NRXN1: variants seen among roughly 807,000 people sequenced by gnomAD.
The protein encoded by NRXN1 is neurexin-1.
A neutral mutation model predicts 150.9 loss-of-function variants in NRXN1; 39 were observed. The ratio of observed to expected loss-of-function variants is 0.26; its 90% CI spans 0.20 to 0.34. NRXN1 has a LOEUF of 0.34. Among genes scored for constraint, NRXN1 ranks in the 10% least tolerant of loss-of-function variants. The pLI is 1.00. For missense variants in NRXN1, 1,815 were observed against 1,949.9 expected (o/e 0.93, Z 1.30); for synonymous variants, 924 against 757.0 (o/e 1.22, Z -3.62).
intron 17 of NRXN1, among the ~76,000 whole-genome samples, chr2:50,296,707 A>C (rs1013380327): frequency 6.6e-6 from 1 of 151,860 alleles, no homozygotes; most frequent in Admixed American, 6.6e-5. Context: ...GCTTCAAATG[A>C]TTCTCCCACC....
intron 5 of NRXN1, among the ~76,000 whole-genome samples, chr2:50,719,319 C>CA (rs576413339): frequency 6.7e-6 from 1 of 149,782 alleles, no homozygotes; most frequent in African/African-American, 2.5e-5. Flanking sequence ...TATATTCAAG[C>CA]AAAAAATTAA....
At chr2:50,966,819 A>C (rs1694182696) in intron 2 of NRXN1, among the ~76,000 whole-genome samples, 1 of 151,880 alleles carries the variant, frequency 6.6e-6, no homozygotes, top group Admixed American at 6.6e-5. Flanking sequence ...TATAACAGCT[A>C]TCTGCATTAA....
intron 19 of NRXN1, among the ~76,000 whole-genome samples, chr2:50,058,501 C>T (rs1363042): frequency 0.12 from 17,698 of 152,048 alleles, 1,130 homozygotes; most frequent in East Asian, 0.18. Context: ...TCAATATATA[C>T]CTACTTTATT....
intron 18 of NRXN1, among the ~76,000 whole-genome samples, chr2:50,167,278 A>ATTTAT: frequency 6.6e-6 from 1 of 152,332 alleles, no homozygotes. Flanking sequence ...CTTTTATTTT[A>ATTTAT]GTATATCTCT....
At chr2:50,266,065 C>A (rs1316561030) in intron 17 of NRXN1, among the ~76,000 whole-genome samples, 3 of 147,656 alleles carry the variant, frequency 2.0e-5, no homozygotes, top group Non-Finnish European at 4.5e-5. Context: ...GTGGCACGAT[C>A]TTGGCTCACT....
At chr2:50,285,023 A>G (rs965282601) in intron 17 of NRXN1, among the ~76,000 whole-genome samples, 5 of 152,238 alleles carry the variant, frequency 3.3e-5, no homozygotes, top group Admixed American at 6.5e-5. Context: ...TATACATTTA[A>G]GAAAGATTAA....
chr2:50,112,918 C>G (rs1702568246), intron 18 of NRXN1, among the ~76,000 whole-genome samples: 1 of 152,068 alleles, frequency 6.6e-6, no homozygotes, highest in South Asian at 2.1e-4. Flanking sequence ...ATGACAAACT[C>G]TTTGCTTTTT....
intron 1 of NRXN1, among the ~76,000 whole-genome samples, chr2:51,029,535 A>G (rs1023746791): frequency 3.9e-5 from 6 of 152,196 alleles, no homozygotes; most frequent in Admixed American, 1.3e-4. Flanking sequence ...GCTTTTAAGG[A>G]TTTCTACCTA....
intron 5 of NRXN1, among the ~76,000 whole-genome samples, chr2:50,674,179 A>G (rs1689239057): frequency 6.6e-6 from 1 of 152,196 alleles, no homozygotes; most frequent in Admixed American, 6.6e-5. Flanking sequence ...TGGCATTTAC[A>G]GAAGAGTATG....
At chr2:50,407,121 A>T (rs1346878287) in intron 17 of NRXN1, among the ~76,000 whole-genome samples, 6 of 152,186 alleles carry the variant, frequency 3.9e-5, no homozygotes, top group Non-Finnish European at 7.3e-5. Flanking sequence ...TGTATTTTTT[A>T]AATTATTAAA....
intron 5 of NRXN1, among the ~76,000 whole-genome samples, chr2:50,642,037 G>A (rs1194332936): frequency 6.6e-6 from 1 of 151,900 alleles, no homozygotes; most frequent in Admixed American, 6.6e-5. Context: ...AAGTATCAAG[G>A]GATAAAATAT....
At chr2:50,458,407 T>C (rs1203148462) in intron 17 of NRXN1, among the ~76,000 whole-genome samples, 1 of 152,142 alleles carries the variant, frequency 6.6e-6, no homozygotes, top group Non-Finnish European at 1.5e-5. Flanking sequence ...CAATATTTTA[T>C]TGCATATTTC....
At chr2:50,696,381 G>A (rs1692867467) in intron 5 of NRXN1, 1 of 152,522 alleles carries the variant, frequency 6.6e-6, no homozygotes. Context: ...AAGAAAAACA[G>A]TCTCAGAAGT....
At chr2:49,940,092 C>A (rs143901974) in intron 22 of NRXN1, among the ~76,000 whole-genome samples, 1 of 151,904 alleles carries the variant, frequency 6.6e-6, no homozygotes, top group Non-Finnish European at 1.5e-5. Context: ...AGAGAAAAAG[C>A]CATTTTTTGA....
At chr2:50,491,845 A>T (rs2091273143) in intron 15 of NRXN1, among the ~76,000 whole-genome samples, 1 of 152,302 alleles carries the variant, frequency 6.6e-6, no homozygotes, top group Non-Finnish European at 1.5e-5. Context: ...GCTTTAAAGA[A>T]GGGTACTCAT....
intron 18 of NRXN1, among the ~76,000 whole-genome samples, chr2:50,213,433 A>T (rs1160196572): frequency 6.6e-6 from 1 of 151,932 alleles, no homozygotes; most frequent in African/African-American, 2.4e-5. Flanking sequence ...AAACAATGGC[A>T]CTATGGATTG....
chr2:50,348,326 G>A (rs1045969226), intron 17 of NRXN1, among the ~76,000 whole-genome samples: 2 of 152,180 alleles, frequency 1.3e-5, no homozygotes, highest in Non-Finnish European at 1.5e-5. Flanking sequence ...TTTGGCAGCT[G>A]CAGAAGAGGC....
intron 5 of NRXN1, among the ~76,000 whole-genome samples, chr2:50,878,614 G>A (rs1678962746): frequency 1.3e-5 from 2 of 151,916 alleles, no homozygotes; most frequent in Non-Finnish European, 2.9e-5. Flanking sequence ...AAGTGACTGA[G>A]CTATAAGGAT....
chr2:50,501,967 C>T (rs918814938), intron 13 of NRXN1, among the ~76,000 whole-genome samples: 2 of 152,174 alleles, frequency 1.3e-5, no homozygotes, highest in African/African-American at 2.4e-5. Context: ...TGCAGAAATT[C>T]TTCTCATTCA....
Sources: gnomAD v4.1 joint callset for allele counts (sites outside exome capture counted in the v4.1 genomes callset) on GRCh38, gnomAD v4.1.1 for gene constraint, MANE v1.5 for transcripts, NCBI Gene and HGNC (gene_info 2026-07-23, HGNC 2026-07-21) for gene names.